MME: variants seen among roughly 807,000 people sequenced by gnomAD.
The protein encoded by MME is neprilysin.
Under a neutral mutation model 113.2 loss-of-function variants are expected in MME, and 98 were observed. That is an observed-to-expected ratio of 0.87 (90% confidence interval 0.74 to 1.02). MME has a LOEUF of 1.02. Among genes scored for constraint, MME ranks in the 50% least tolerant of loss-of-function variants. MME has a pLI of 0.00. For missense variants in MME, 836 were observed against 896.0 expected, an observed-to-expected ratio of 0.93 and a Z score of 0.86; for synonymous variants, 292 against 300.6, an observed-to-expected ratio of 0.97 and a Z score of 0.30.
intron 7 of MME, among the ~76,000 whole-genome samples, chr3:155,117,599 GTTTTTT>G (rs5853715): frequency 0.38 from 50,404 of 131,716 alleles, 8,635 homozygotes; most frequent in South Asian, 0.56. Context: ...TTTTTTTTTT[GTTTTTT>G]TTTTTTTTTG....
intron 8 of MME, among the ~76,000 whole-genome samples, chr3:155,134,446 C>T (rs1174509727): frequency 5.9e-5 from 9 of 152,146 alleles, no homozygotes; most frequent in Admixed American, 5.9e-4. Flanking sequence ...CAGCTGCATC[C>T]ATGTTGCTGC....
At chr3:155,151,333 G>A (rs1721916794) in intron 16 of MME, among the ~76,000 whole-genome samples, 1 of 152,110 alleles carries the variant, frequency 6.6e-6, no homozygotes, top group African/African-American at 2.4e-5. Flanking sequence ...GTATTGTAGG[G>A]CACTTCAGAG....
chr3:155,031,476 T>C lies in MME; in HGVS notation c.-11+7152T>C, dbSNP rs1712969786. 2.6e-5 allele frequency among the ~76,000 whole-genome samples: 4 copies of C among 152,018 alleles called. No homozygotes were observed. In the South Asian group the frequency reaches 8.3e-4, roughly 31 times the overall value. ...ATCATAGAGGAAGAAGAAGGAGTAG[T>C]TGGAAATAAAAGGGAGAAAACTTTG... is the stretch of plus-strand genomic sequence containing the variant. On this transcript the variant is annotated intron_variant, in intron 1 of 22. Transcript: ENST00000492661.
At chr3:155,029,342 T>A (rs190168063) in intron 1 of MME, among the ~76,000 whole-genome samples, 128 of 152,252 alleles carry the variant, frequency 8.4e-4, no homozygotes, top group African/African-American at 2.8e-3. Context: ...TTTTTTTCTA[T>A]TTATTCCTTT....
intron 1 of MME, among the ~76,000 whole-genome samples, chr3:155,050,821 G>GC (rs1713736843): frequency 6.6e-6 from 1 of 150,604 alleles, no homozygotes; most frequent in South Asian, 2.1e-4. Context: ...CTGTGCAGAA[G>GC]CTCTTTAGTT....
chr3:155,052,352 C>T (rs34683297), intron 1 of MME, among the ~76,000 whole-genome samples: 3,041 of 152,326 alleles, frequency 0.02, 36 homozygotes, highest in Middle Eastern at 0.041. Flanking sequence ...CCCCACATTT[C>T]CCTTCTGCAC....
chr3:155,134,157 T>G (rs1251514565), intron 8 of MME, among the ~76,000 whole-genome samples: 1 of 152,102 alleles, frequency 6.6e-6, no homozygotes, highest in Non-Finnish European at 1.5e-5. Context: ...TTATTTTAGA[T>G]TCAGGGGGTA....
At position 155,142,274 on chromosome 3, in the gene MME, G is replaced by A; in HGVS notation, c.1132G>A (p.Asp378Asn). 1 of 1,613,526 alleles carries A rather than the reference G, an allele frequency of 6.2e-7. No homozygotes were observed. ...TTTAATGTCCTGGAGATTCATAATGGATCTTGTAAGCAGCCTCAGCCGAAC... is the reference window on the plus strand; with the variant it reads ...TTTAATGTCCTGGAGATTCATAATGAATCTTGTAAGCAGCCTCAGCCGAAC... ...QNLMSWRFIM[D>N]LVSSLSRTYK... Residue 378 changes from aspartate (D) to asparagine (N), a missense_variant, in exon 12 of 23, where the codon GAT becomes AAT. Transcript: ENST00000360490.
chr3:155,142,108 C>T lies in MME; in HGVS notation c.1075C>T (p.Leu359Phe). ...ATATTTAACCAAACTTAAGCCCATT[C>T]TTACCAAATATTCTGCCAGGTAGGT... ...PEYLTKLKPILTKYSARDLQN... is the reference protein window; with the variant it reads ...PEYLTKLKPIFTKYSARDLQN... Residue 359 changes from leucine (L) to phenylalanine (F), a missense_variant, in exon 11 of 23, where the codon CTT (leucine) becomes TTT (phenylalanine). By Grantham distance (22) the Leu-to-Phe change is conservative. Coordinates refer to ENST00000360490, the MANE Select transcript of MME (RefSeq NM_007289.4). 1 of 1,613,864 alleles carries T rather than the reference C, an allele frequency of 6.2e-7. No individual in the cohort carries two copies. Among genetic ancestry groups the T allele is most frequent in the Non-Finnish European group, 8.5e-7 (1 of 1,179,816 alleles).
At chr3:155,171,256 G>A (rs1037796388) in intron 20 of MME, among the ~76,000 whole-genome samples, 1 of 152,132 alleles carries the variant, frequency 6.6e-6, no homozygotes. Flanking sequence ...CTGCTAGATT[G>A]CGAGCTCTCT....
intron 3 of MME, among the ~76,000 whole-genome samples, chr3:155,097,912 G>C (rs960576572): frequency 6.6e-6 from 1 of 152,138 alleles, no homozygotes; most frequent in African/African-American, 2.4e-5. Flanking sequence ...ATTAAACCAG[G>C]CAGTTGTGGG....
At chr3:155,092,259 G>A (rs965149498) in intron 3 of MME, among the ~76,000 whole-genome samples, 5 of 152,172 alleles carry the variant, frequency 3.3e-5, no homozygotes, top group Admixed American at 6.5e-5. Context: ...TCAGCTATCT[G>A]GATATCTCTT....
At chr3:155,118,699 C>A in intron 7 of MME, 47 bp from the exon 8 acceptor site, 2 of 1,261,502 alleles carry the variant, frequency 1.6e-6, no homozygotes, top group Non-Finnish European at 1.1e-6. Flanking sequence ...TCAAACTTTT[C>A]TATATTCACT....
intron 9 of MME, among the ~76,000 whole-genome samples, chr3:155,139,513 C>G (rs1249170210): frequency 1.3e-5 from 2 of 152,184 alleles, no homozygotes; most frequent in Non-Finnish European, 2.9e-5. Context: ...TACCTTTTGT[C>G]TCTTCTCACT....
intron 1 of MME, among the ~76,000 whole-genome samples, chr3:155,048,385 CT>C (rs1452849517): frequency 6.6e-6 from 1 of 152,086 alleles, no homozygotes; most frequent in East Asian, 1.9e-4. Context: ...AATCTGTCTT[CT>C]TTTGTTTCTT....
At chr3:155,061,089 C>T (rs1051958543) in intron 1 of MME, among the ~76,000 whole-genome samples, 1 of 152,176 alleles carries the variant, frequency 6.6e-6, no homozygotes, top group Non-Finnish European at 1.5e-5. Flanking sequence ...GAAGTGTATA[C>T]ATTATCAAAT....
intron 5 of MME, 26 bp downstream of exon 5, chr3:155,116,585 T>A (rs913200103): frequency 4.8e-6 from 7 of 1,469,284 alleles, no homozygotes; most frequent in Non-Finnish European, 6.6e-6. Flanking sequence ...TTGATTTCAT[T>A]AGGAGTATAT....
intron 1 of MME, chr3:155,083,490 G>T (rs1715358978): frequency 6.5e-6 from 1 of 153,048 alleles, no homozygotes; most frequent in Admixed American, 6.5e-5. Flanking sequence ...GGCGTGGTTA[G>T]GTTGGATATT....
Position 155,118,774 on chromosome 3 carries a change from C to A in MME, c.683C>A (p.Ser228Tyr). Residue 228 changes from serine (S) to tyrosine (Y), a missense_variant, in exon 8 of 23, where the codon TCT becomes TAT. Physicochemically the swap from Ser to Tyr is moderately radical, Grantham distance 144 (BLOSUM62 -2). Transcript: ENST00000360490. Reference protein sequence around the residue: ...HIDQPRLGLPSRDYYECTGIY... With the variant: ...HIDQPRLGLPYRDYYECTGIY... ...GACCAACCTCGACTTGGCCTCCCTT[C>A]TAGAGATTACTATGAATGCACTGGA... is the stretch of plus-strand genomic sequence containing the variant. 1 of 1,602,498 alleles carries A rather than the reference C, an allele frequency of 6.2e-7. No individual in the cohort carries two copies. Among genetic ancestry groups the A allele is most frequent in the Non-Finnish European group, 8.5e-7 (1 of 1,171,100 alleles).
Sources: allele counts gnomAD v4.1 joint callset (sites outside exome capture counted in the v4.1 genomes callset), GRCh38; gene constraint gnomAD v4.1.1; transcripts MANE v1.5; gene names NCBI Gene and HGNC (gene_info 2026-07-23, HGNC 2026-07-21).